The following VCAN variants were observed in gnomAD, a reference collection of about 807,000 sequenced individuals.
VCAN encodes the protein versican, also known as versican core protein.
In VCAN, 44 loss-of-function variants were observed where a neutral mutation model predicts 245.5. The ratio of observed to expected loss-of-function variants is 0.18; its 90% CI spans 0.14 to 0.23. VCAN has a LOEUF of 0.23. Ranked by LOEUF, VCAN falls within the 10% of genes least tolerant of loss-of-function variation. The pLI is 1.00. For synonymous variants in VCAN, 1,413 were observed against 1,437.0 expected (o/e 0.98, Z 0.38); for missense variants, 3,793 against 4,057.9 (o/e 0.93, Z 1.77).
Position 83,537,373 on chromosome 5 carries a change from C to G in VCAN, c.4370C>G (p.Ala1457Gly), listed in dbSNP as rs778661159. The G allele has an allele frequency of 1.9e-6, 3 of 1,613,896 alleles. No individual in the cohort carries two copies. In the South Asian group the frequency reaches 3.3e-5, roughly 18 times the overall value. Residue 1457 changes from alanine to glycine, a missense_variant, in exon 8 of 15, where the codon GCC becomes GGC. Ala to Gly is a moderately conservative substitution (Grantham distance 60). Around this residue, in one of 5 missense-constraint regions of VCAN, gnomAD observed 3,182 missense variants for 3,250.3 expected, o/e 0.98. Transcript: ENST00000265077. Reference sequence around the variant, plus strand: ...AGTGATACTCATCCATTTGTAATAGCCAAAACGGAATTGTCTACTGCTGTG... The same window carrying G: ...AGTGATACTCATCCATTTGTAATAGGCAAAACGGAATTGTCTACTGCTGTG... Reference protein sequence around the residue: ...SESDTHPFVIAKTELSTAVQP... With the variant: ...SESDTHPFVIGKTELSTAVQP...
intron 12 of VCAN, among the ~76,000 whole-genome samples, chr5:83,565,135 G>A (rs1034366589): frequency 6.6e-6 from 1 of 152,050 alleles, no homozygotes; most frequent in Non-Finnish European, 1.5e-5. Context: ...TTTTGCTCAG[G>A]CACAAATTTG....
chr5:83,573,531 A>G (rs1343663628), intron 13 of VCAN, among the ~76,000 whole-genome samples: 1 of 152,172 alleles, frequency 6.6e-6, no homozygotes, highest in Non-Finnish European at 1.5e-5. Flanking sequence ...AATCCCAAAA[A>G]TAGAATTCTG....
intron 13 of VCAN, among the ~76,000 whole-genome samples, chr5:83,577,344 T>C (rs1748522898): frequency 1.3e-5 from 2 of 152,218 alleles, no homozygotes; most frequent in Non-Finnish European, 2.9e-5. Context: ...GAAGTTTTAC[T>C]GATTGTTTTG....
chr5:83,523,245 C>G (rs1422320078), intron 7 of VCAN, among the ~76,000 whole-genome samples: 1 of 152,102 alleles, frequency 6.6e-6, no homozygotes, highest in Non-Finnish European at 1.5e-5. Context: ...GAATATATAG[C>G]AAATGCAGTT....
chr5:83,507,141 G>A (rs912674946), intron 5 of VCAN, among the ~76,000 whole-genome samples: 1 of 152,150 alleles, frequency 6.6e-6, no homozygotes. Flanking sequence ...TTAGAAACAT[G>A]TTCCAAATCT....
intron 7 of VCAN, among the ~76,000 whole-genome samples, chr5:83,535,127 G>A (rs1428500859): frequency 1.3e-5 from 2 of 151,980 alleles, no homozygotes; most frequent in Admixed American, 1.3e-4. Context: ...TTCATTTTAT[G>A]TTTTTATAAC....
intron 10 of VCAN, among the ~76,000 whole-genome samples, chr5:83,552,642 A>C (rs1399872727): frequency 6.6e-6 from 1 of 150,744 alleles, no homozygotes; most frequent in Non-Finnish European, 1.5e-5. Context: ...ATTGTGAAAC[A>C]CACACACAGA....
intron 6 of VCAN, among the ~76,000 whole-genome samples, chr5:83,514,450 G>C (rs1239807073): frequency 6.7e-6 from 1 of 148,884 alleles, no homozygotes; most frequent in African/African-American, 2.5e-5. Flanking sequence ...GTGTGTGTGT[G>C]TATTTTTTTT....
At chr5:83,473,894 A>G (rs1159100486) in intron 1 of VCAN, among the ~76,000 whole-genome samples, 1 of 152,150 alleles carries the variant, frequency 6.6e-6, no homozygotes, top group African/African-American at 2.4e-5. Context: ...GGACCCTGAA[A>G]AAAGGTCTTG....
intron 5 of VCAN, among the ~76,000 whole-genome samples, chr5:83,498,360 GC>G (rs1300331916): frequency 6.6e-6 from 1 of 152,124 alleles, no homozygotes. Flanking sequence ...ATTTTTGTAT[GC>G]CCAATATGTC....
chr5:83,520,566 A>G lies in VCAN; in HGVS notation c.2260A>G (p.Thr754Ala), dbSNP rs1746045740. 1.9e-6 allele frequency: 3 copies of G among 1,614,046 alleles called. No individual in the cohort carries two copies. Among genetic ancestry groups the G allele is most frequent in the African/African-American group, 1.3e-5 (1 of 75,054 alleles). The change falls in exon 7 of 15, where the codon ACA becomes GCA. Residue 754 changes from threonine to alanine, a missense_variant. Physicochemically the swap from Thr to Ala is moderately conservative, Grantham distance 58. Coordinates refer to ENST00000265077, the MANE Select transcript of VCAN (RefSeq NM_004385.5). ...GTCTTTTGATTTCCCAACATTGATAACAAAGTTAAGTGCAGAGCCAACAGA... is the reference window on the plus strand; with the variant it reads ...GTCTTTTGATTTCCCAACATTGATAGCAAAGTTAAGTGCAGAGCCAACAGA... ...TKSFDFPTLI[T>A]KLSAEPTEVR...
At chr5:83,479,035 A>G (rs1229827367) in intron 1 of VCAN, among the ~76,000 whole-genome samples, 1 of 152,214 alleles carries the variant, frequency 6.6e-6, no homozygotes, top group African/African-American at 2.4e-5. Flanking sequence ...GTCCAGGTTC[A>G]GGAATTCACA....
At chr5:83,572,855 T>C (rs2112499951) in intron 13 of VCAN, among the ~76,000 whole-genome samples, 1 of 136,632 alleles carries the variant, frequency 7.3e-6, no homozygotes, top group Non-Finnish European at 1.6e-5. Flanking sequence ...CAATAGACCT[T>C]TTTATTTTTA....
At chr5:83,566,254 C>T (rs1234542298) in intron 12 of VCAN, among the ~76,000 whole-genome samples, 1 of 152,140 alleles carries the variant, frequency 6.6e-6, no homozygotes, top group South Asian at 2.1e-4. Flanking sequence ...AGCCACCACA[C>T]CTGGCCCTGA....
intron 11 of VCAN, among the ~76,000 whole-genome samples, chr5:83,554,189 G>C (rs1020844902): frequency 7.9e-5 from 12 of 152,188 alleles, no homozygotes; most frequent in Admixed American, 2.6e-4. Flanking sequence ...TTTCTTAAGA[G>C]GTAGTGTCTT....
rs1747178737 is a variant in VCAN, at chr5:83,545,622, A to T, written c.9351A>T (p.Pro3117=). 1 of 1,614,174 alleles carries T rather than the reference A, an allele frequency of 6.2e-7. No individual in the cohort carries two copies. Among genetic ancestry groups the T allele is most frequent in the Non-Finnish European group, 8.5e-7 (1 of 1,179,990 alleles). Residue 3117 remains proline, a synonymous_variant, in exon 9 of 15, where the codon CCA becomes CCT. Transcript: ENST00000265077. ...CTTCCTACGTATGCACCTGTGTGCC[A>T]GGATACAGCGGAGACCAGTGTGAAC... is the stretch of plus-strand genomic sequence containing the variant. The part of the protein sequence containing the change: ...TETSYVCTCV[P]GYSGDQCELD...
chr5:83,522,351 A>C, intron 7 of VCAN, 42 bp downstream of exon 7: 4 of 1,590,606 alleles, frequency 2.5e-6, no homozygotes, highest in South Asian at 1.1e-5. Flanking sequence ...GGCAATCCTC[A>C]TTTTATCTTG....
chr5:83,573,768 A>G (rs1748376175), intron 13 of VCAN, among the ~76,000 whole-genome samples: 1 of 152,182 alleles, frequency 6.6e-6, no homozygotes, highest in South Asian at 2.1e-4. Flanking sequence ...AATTGTGTGC[A>G]CCAGCTTTAT....
intron 5 of VCAN, among the ~76,000 whole-genome samples, chr5:83,494,272 A>T (rs1259719716): frequency 6.6e-6 from 1 of 152,228 alleles, no homozygotes; most frequent in African/African-American, 2.4e-5. Context: ...GATAAAAATC[A>T]TGTGATGACA....
Sources: gnomAD v4.1 joint callset for allele counts (sites outside exome capture counted in the v4.1 genomes callset) on GRCh38, gnomAD v4.1.1 for gene constraint, gnomAD v4.1.1 regional missense constraint, MANE v1.5 for transcripts, NCBI Gene and HGNC (gene_info 2026-07-23, HGNC 2026-07-21) for gene names.